The following MECOM variants were observed in gnomAD, a reference collection of about 807,000 sequenced individuals.
MECOM encodes the protein histone-lysine N-methyltransferase MECOM.
Under a neutral mutation model 116.3 loss-of-function variants are expected in MECOM, and 13 were observed. The observed-to-expected ratio is 0.11, with a 90% confidence interval of 0.07 to 0.18. MECOM has a LOEUF of 0.18. Among genes scored for constraint, MECOM ranks in the 10% least tolerant of loss-of-function variants. The pLI, the probability that MECOM is intolerant of heterozygous loss-of-function variation, is 1.00. For synonymous variants in MECOM, 528 were observed against 535.2 expected (o/e 0.99, Z 0.19); for missense variants, 1,299 against 1,509.0 (o/e 0.86, Z 2.31).
intron 1 of MECOM, among the ~76,000 whole-genome samples, chr3:169,562,519 G>A (rs6444859): frequency 0.96 from 146,651 of 152,278 alleles, 70,673 homozygotes; most frequent in East Asian, 1. Flanking sequence ...AAAAAACTCC[G>A]ACGCCGCAGT....
rs537996886 is a variant in MECOM at position 169,306,553 on chromosome 3, G to A, written c.375+74634C>T. On this transcript the variant is annotated intron_variant, in intron 2 of 16. Transcript: ENST00000651503. ...AAAAATTAGCTGGACGTGGTGGTGG[G>A]CACCTGTAATCCCAGCTACTCAAAG... 3.3e-5 allele frequency among the ~76,000 whole-genome samples: 5 copies of A among 152,214 alleles called. No individual in the cohort carries two copies. The South Asian group carries it at 1.0e-3, about 32-fold the overall frequency.
At position 169,273,937 on chromosome 3, in the gene MECOM, A is replaced by C. The variant is rs1276044323; in HGVS notation, c.375+107250T>G. Among the ~76,000 whole-genome samples the C allele has an allele frequency of 3.7e-4, 42 of 114,156 alleles. 1 individual carries two copies. In the South Asian group the frequency reaches 0.011, roughly 29 times the overall value. The allele number at this position is 114,156 out of a possible 152,430, so 74.9% of individuals were successfully genotyped here. On this transcript the variant is annotated intron_variant, in intron 2 of 16. Coordinates refer to ENST00000651503, the MANE Select transcript of MECOM (RefSeq NM_004991.4). ...TTTTTTTTTTTTTTTTTTGAGATGG[A>C]GTATCATTCTGTTGCCCAGGCTGGA... is the stretch of plus-strand genomic sequence containing the variant.
intron 2 of MECOM, among the ~76,000 whole-genome samples, chr3:169,330,781 T>C (rs921990325): frequency 6.6e-6 from 1 of 152,102 alleles, no homozygotes; most frequent in Non-Finnish European, 1.5e-5. Flanking sequence ...TAAGTGACAT[T>C]TTCATTTAAG....
At chr3:169,110,504 A>G (rs893798388) in intron 9 of MECOM, among the ~76,000 whole-genome samples, 4 of 152,118 alleles carry the variant, frequency 2.6e-5, no homozygotes, top group African/African-American at 9.7e-5. Flanking sequence ...AGCATGACAC[A>G]AGAAAACAGC....
intron 1 of MECOM, among the ~76,000 whole-genome samples, chr3:169,648,517 C>T (rs1369289984): frequency 1.3e-5 from 2 of 152,172 alleles, no homozygotes; most frequent in Non-Finnish European, 2.9e-5. Flanking sequence ...GTAAATCACT[C>T]GCATCTTAAG....
chr3:169,566,059 G>C (rs1208930825), intron 1 of MECOM: 1 of 380,586 alleles, frequency 2.6e-6, no homozygotes, highest in Non-Finnish European at 5.1e-6. Flanking sequence ...GGAGGCAGGA[G>C]AGAGAAAGAG....
At chr3:169,609,682 C>A (rs1258968858) in intron 1 of MECOM, among the ~76,000 whole-genome samples, 1 of 152,092 alleles carries the variant, frequency 6.6e-6, no homozygotes, top group Non-Finnish European at 1.5e-5. Context: ...TATTCGTTTT[C>A]TTTTGAATCA....
intron 2 of MECOM, among the ~76,000 whole-genome samples, chr3:169,192,092 T>C (rs1747780100): frequency 6.6e-6 from 1 of 151,934 alleles, no homozygotes; most frequent in Admixed American, 6.6e-5. Flanking sequence ...AAATGAAAAA[T>C]ACTATGCATA....
intron 2 of MECOM, among the ~76,000 whole-genome samples, chr3:169,194,341 C>T (rs1022056831): frequency 6.6e-6 from 1 of 151,946 alleles, no homozygotes; most frequent in Non-Finnish European, 1.5e-5. Flanking sequence ...GGAAGGATAG[C>T]ATTAGGAGAT....
At chr3:169,109,462 T>C (rs1454994092) in intron 9 of MECOM, among the ~76,000 whole-genome samples, 10 of 151,320 alleles carry the variant, frequency 6.6e-5, no homozygotes, top group African/African-American at 2.4e-4. Flanking sequence ...TTGCCCAGGC[T>C]AGAGTGCAAT....
chr3:169,536,631 G>A (rs1759400284), intron 1 of MECOM, among the ~76,000 whole-genome samples: 1 of 152,024 alleles, frequency 6.6e-6, no homozygotes. Flanking sequence ...CAAAGTAGCA[G>A]GACAACTTCC....
At chr3:169,488,208 C>G (rs1221676200) in intron 1 of MECOM, among the ~76,000 whole-genome samples, 1 of 151,664 alleles carries the variant, frequency 6.6e-6, no homozygotes, top group East Asian at 1.9e-4. Flanking sequence ...TTTGATCAAA[C>G]ATATATAGAA....
At chr3:169,120,543 C>A (rs757327594) in intron 7 of MECOM, among the ~76,000 whole-genome samples, 1 of 152,208 alleles carries the variant, frequency 6.6e-6, no homozygotes, top group African/African-American at 2.4e-5. Flanking sequence ...TGATCGGCAA[C>A]AATGGGTAGA....
chr3:169,120,386 T>C (rs1287413753), intron 7 of MECOM, among the ~76,000 whole-genome samples: 2 of 152,214 alleles, frequency 1.3e-5, no homozygotes, highest in African/African-American at 4.8e-5. Flanking sequence ...ATGTTCTAAG[T>C]AGGTGGTCAG....
intron 12 of MECOM, 126 bp from the exon 13 acceptor site, chr3:169,095,371 A>G (rs948845829): frequency 1.5e-6 from 1 of 668,616 alleles, no homozygotes; most frequent in Non-Finnish European, 2.4e-6. Context: ...GCACAGGGAG[A>G]ATACTATTCA....
intron 1 of MECOM, among the ~76,000 whole-genome samples, chr3:169,634,558 C>A (rs373699930): frequency 2.0e-5 from 3 of 152,184 alleles, no homozygotes; most frequent in African/African-American, 7.2e-5. Context: ...AGGGCCCCAG[C>A]TCCAGTCAAC....
intron 2 of MECOM, among the ~76,000 whole-genome samples, chr3:169,158,595 C>T (rs1292225284): frequency 6.6e-6 from 1 of 152,104 alleles, no homozygotes; most frequent in Non-Finnish European, 1.5e-5. Context: ...CACCATGCAT[C>T]CTCTGAATGC....
chr3:169,639,772 G>C lies in MECOM; in HGVS notation c.37+23564C>G, dbSNP rs141897564. Among the ~76,000 whole-genome samples the C allele has an allele frequency of 8.5e-5, 13 of 152,186 alleles. No individual in the cohort carries two copies. In the East Asian group the frequency reaches 2.5e-3, roughly 29 times the overall value. On this transcript the variant is annotated intron_variant, in intron 1 of 16. Coordinates refer to ENST00000651503, the MANE Select transcript of MECOM (RefSeq NM_004991.4). ...AGTATTAAGATAGGATATATAATTG[G>C]CACATCAATAAAACATTAATCAAAA...
intron 2 of MECOM, among the ~76,000 whole-genome samples, chr3:169,171,380 AGACAG>A: frequency 1.3e-5 from 2 of 152,340 alleles, no homozygotes; most frequent in South Asian, 4.1e-4. Flanking sequence ...TTCTTGTTAA[AGACAG>A]GACCCTTGGC....
Sources: allele counts gnomAD v4.1 joint callset (sites outside exome capture counted in the v4.1 genomes callset), GRCh38; gene constraint gnomAD v4.1.1; transcripts MANE v1.5; gene names NCBI Gene and HGNC (gene_info 2026-07-23, HGNC 2026-07-21).